MGAT1: variants seen among roughly 807,000 people sequenced by gnomAD.
MGAT1 encodes the protein alpha-1,3-mannosyl-glycoprotein 2-beta-N-acetylglucosaminyltransferase.
Under a neutral mutation model 31.7 loss-of-function variants are expected in MGAT1, and 14 were observed. That is an observed-to-expected ratio of 0.44 (90% confidence interval 0.29 to 0.69). MGAT1 has a LOEUF of 0.69. MGAT1 is among the 30% of genes least tolerant of loss of function. MGAT1 has a pLI of 0.12. For missense variants in MGAT1, 557 were observed against 626.0 expected (o/e 0.89, Z 1.18); for synonymous variants, 338 against 276.0 (o/e 1.22, Z -2.23).
rs368997432 is a variant in MGAT1 at position 180,792,849 on chromosome 5, G to A, written c.123C>T (p.Ser41=). The part of the protein sequence containing the change: ...RPAPGRPPSV[S]ALDGDPASLT... ...GGCTGGCGGGGTCGCCATCGAGAGC[G>A]CTGACTGAGGGTGGCCTGCCAGGTG... Residue 41 remains serine (S), a synonymous_variant, in exon 2 of 2, where the codon AGC becomes AGT. Coordinates refer to ENST00000307826, the MANE Select transcript of MGAT1 (RefSeq NM_002406.4). 1.9e-5 allele frequency: 30 copies of A among 1,569,772 alleles called. No individual in the cohort carries two copies. The highest frequency in any genetic ancestry group is 2.4e-5 in the East Asian group (1 of 42,432).
At chr5:180,812,679 C>A (rs1401825633) in intron 1 of MGAT1, among the ~76,000 whole-genome samples, 1 of 152,088 alleles carries the variant, frequency 6.6e-6, no homozygotes, top group African/African-American at 2.4e-5. Flanking sequence ...TATTTTAGGT[C>A]TTTCCTCCCA....
chr5:180,793,834 A>G (rs1226448838), intron 1 of MGAT1, among the ~76,000 whole-genome samples: 1 of 152,226 alleles, frequency 6.6e-6, no homozygotes, highest in Admixed American at 6.5e-5. Context: ...GAAATGAGAA[A>G]ATATTTAGAA....
rs1209431074 is a variant in MGAT1 at position 180,785,363 on chromosome 5, A to G, written c.*6271T>C. ...AAATACCCGTTTCACATTGCCCACC[A>G]TTTGTGAGTCAGAAATTCAGGCAGC... is the stretch of plus-strand genomic sequence containing the variant. On this transcript the variant is annotated 3_prime_UTR_variant, in exon 2 of 2. Coordinates refer to ENST00000307826, the MANE Select transcript of MGAT1 (RefSeq NM_002406.4). 2 of 152,244 alleles carry G rather than the reference A, an allele frequency of 1.3e-5. No individual in the cohort carries two copies. Among genetic ancestry groups the G allele is most frequent in the Non-Finnish European group, 2.9e-5 (2 of 68,050 alleles). The allele number at this position is 152,244 out of a possible 1,614,324, so 9.4% of individuals were successfully genotyped here. A position where few individuals can be genotyped will look rare whatever the true frequency, so the allele number is the denominator to read the frequency against.
chr5:180,791,569 G>A lies in MGAT1; in HGVS notation c.*65C>T, dbSNP rs936827846. On this transcript the variant is annotated 3_prime_UTR_variant, in exon 2 of 2. Coordinates refer to ENST00000307826, the MANE Select transcript of MGAT1 (RefSeq NM_002406.4). ...AAACACAGGCAGGCCGATGCAGCCTGGGGACTGTGGTCCCACCTCAGCTCA... is the reference window on the plus strand; with the variant it reads ...AAACACAGGCAGGCCGATGCAGCCTAGGGACTGTGGTCCCACCTCAGCTCA... 11 of 1,559,502 alleles carry A rather than the reference G, an allele frequency of 7.1e-6. No individual in the cohort carries two copies. Among genetic ancestry groups the A allele is most frequent in the Admixed American group, 3.8e-5 (2 of 53,174 alleles).
At position 180,793,047 on chromosome 5, in the gene MGAT1, A is replaced by G; in HGVS notation, c.-76T>C. ...GGGCTTGCCCGGCTCCCTTGCCCGC[A>G]GTCCTAGGGATGCCTCCTCTGGACT... is the stretch of plus-strand genomic sequence containing the variant. On this transcript the variant is annotated 5_prime_UTR_variant, in exon 2 of 2. Transcript: ENST00000307826. 6.5e-7 allele frequency: 1 copy of G among 1,546,622 alleles called. No homozygotes were observed. The highest frequency in any genetic ancestry group is 1.8e-5 in the Admixed American group (1 of 54,406).
intron 1 of MGAT1, among the ~76,000 whole-genome samples, chr5:180,801,405 G>A (rs962891807): frequency 6.6e-6 from 1 of 152,188 alleles, no homozygotes; most frequent in Admixed American, 6.5e-5. Context: ...CACAGGTAAT[G>A]GAACTCTAAC....
intron 2 of MGAT1, chr5:180,808,460 T>G (rs1772142162): frequency 6.6e-6 from 1 of 152,270 alleles, no homozygotes; most frequent in African/African-American, 2.4e-5. Flanking sequence ...TACAAGGCAC[T>G]CATCCAGCTT....
At position 180,785,762 on chromosome 5, in the gene MGAT1, T is replaced by C. The variant is rs1266945084; in HGVS notation, c.*5872A>G. On this transcript the variant is annotated 3_prime_UTR_variant, in exon 2 of 2. Transcript: ENST00000307826. ...TCCTGATCCTGAAAGGTTTTGCCCT[T>C]TTCCTAAATAGAAACTCTGAAAAGT... The C allele has an allele frequency of 6.6e-6, 1 of 152,296 alleles. No homozygotes were observed. Among genetic ancestry groups the C allele is most frequent in the African/African-American group, 2.4e-5 (1 of 41,478 alleles). 9.4% of individuals were successfully genotyped at this position (152,296 alleles called of 1,614,324 possible).
chr5:180,805,926 G>GT (rs1771798786), upstream of MGAT1, among the ~76,000 whole-genome samples: 2 of 152,296 alleles, frequency 1.3e-5, no homozygotes, highest in Middle Eastern at 3.4e-3. Flanking sequence ...TCTGTGAAAT[G>GT]TAACTTTTGG....
upstream of MGAT1, chr5:180,815,564 A>ACCCTCTCCT: frequency 6.6e-6 from 1 of 152,210 alleles, no homozygotes; most frequent in African/African-American, 2.4e-5. Context: ...TCTCCCGGTT[A>ACCCTCTCCT]TTTCGTGGCT....
rs955650949 is a variant in MGAT1, at chr5:180,787,572, C to T, written c.*4062G>A. ...TGTGAGGAAGACGTCTGGAAGGATA[C>T]ACCACCCACGCGTAAACACACGTTA... On this transcript the variant is annotated 3_prime_UTR_variant, in exon 2 of 2. Transcript: ENST00000307826. 15 of 152,218 alleles carry T rather than the reference C, an allele frequency of 9.9e-5. No individual in the cohort carries two copies. The highest frequency in any genetic ancestry group is 3.6e-4 in the African/African-American group (15 of 41,452). The allele number at this position is 152,218 out of a possible 1,614,324, so 9.4% of individuals were successfully genotyped here. A position where few individuals can be genotyped will look rare whatever the true frequency, so the allele number is the denominator to read the frequency against.
intron 1 of MGAT1, chr5:180,810,384 C>G (rs1175623288): frequency 6.6e-6 from 1 of 152,526 alleles, no homozygotes; most frequent in African/African-American, 2.4e-5. Flanking sequence ...CAGGTGTGGG[C>G]AGAACCAGGT....
rs1305722535 is a variant in MGAT1 at position 180,792,090 on chromosome 5, C to G, written c.882G>C (p.Arg294=). Residue 294 remains arginine, a synonymous_variant, in exon 2 of 2, where the codon CGG becomes CGC. Coordinates refer to ENST00000307826, the MANE Select transcript of MGAT1 (RefSeq NM_002406.4). ...PKAFWDDWMR[R]PEQRQGRACI... ...AGGCCCGCCCCTGCCGCTGCTCCGG[C>G]CGCCGCATCCAGTCGTCCCAGAAGG... 23 of 1,613,258 alleles carry G rather than the reference C, an allele frequency of 1.4e-5. No individual in the cohort carries two copies. Among genetic ancestry groups the G allele is most frequent in the Non-Finnish European group, 1.9e-5 (22 of 1,179,886 alleles).
chr5:180,802,332 T>C lies in MGAT1; in HGVS notation c.-127+348A>G, dbSNP rs750166917. On this transcript the variant is annotated intron_variant, in intron 1 of 1. Transcript: ENST00000307826. ...TTGGGGAAAGGATGCTGGAGTGAGG[T>C]TAGGGGGGAAAGGCCACTCCCCAAT... 2.4e-4 allele frequency among the ~76,000 whole-genome samples: 36 copies of C among 152,150 alleles called. 1 individual carries two copies. Among genetic ancestry groups the C allele is most frequent in the Middle Eastern group, 6.8e-3 (2 of 294 alleles).
At chr5:180,808,152 T>C (rs1772100773) in intron 2 of MGAT1, among the ~76,000 whole-genome samples, 1 of 152,184 alleles carries the variant, frequency 6.6e-6, no homozygotes, top group African/African-American at 2.4e-5. Flanking sequence ...TTTCCCGAGC[T>C]TTCATGGGCT....
intron 1 of MGAT1, among the ~76,000 whole-genome samples, chr5:180,812,432 T>G (rs1260209867): frequency 6.6e-6 from 1 of 152,236 alleles, no homozygotes; most frequent in Non-Finnish European, 1.5e-5. Flanking sequence ...TTCGTGCTTG[T>G]TATAACAAGT....
chr5:180,806,110 A>C (rs1466051284), upstream of MGAT1, among the ~76,000 whole-genome samples: 1 of 152,094 alleles, frequency 6.6e-6, no homozygotes, highest in East Asian at 1.9e-4. Context: ...ACATGGTGAA[A>C]CCTCATCTCT....
rs1418137016 is a variant in MGAT1 at position 180,786,863 on chromosome 5, G to A, written c.*4771C>T. The A allele has an allele frequency of 1.3e-5, 2 of 152,274 alleles. No homozygotes were observed. Among genetic ancestry groups the A allele is most frequent in the Admixed American group, 6.5e-5 (1 of 15,282 alleles). The allele number at this position is 152,274 out of a possible 1,614,324, so 9.4% of individuals were successfully genotyped here. A position where few individuals can be genotyped will look rare whatever the true frequency, so the allele number is the denominator to read the frequency against. Reference sequence around the variant, plus strand: ...ATCCATTCTGACACACTGTCTTACAGTTCTGGTATAAAGGGTCAGACTTCA... The same window carrying A: ...ATCCATTCTGACACACTGTCTTACAATTCTGGTATAAAGGGTCAGACTTCA... On this transcript the variant is annotated 3_prime_UTR_variant, in exon 2 of 2. Transcript: ENST00000307826.
chr5:180,812,429 T>C (rs766219497), intron 1 of MGAT1, among the ~76,000 whole-genome samples: 5 of 152,242 alleles, frequency 3.3e-5, no homozygotes, highest in Non-Finnish European at 7.3e-5. Context: ...TTTTTCGTGC[T>C]TGTTATAACA....
Sources: gnomAD v4.1 joint callset for allele counts (sites outside exome capture counted in the v4.1 genomes callset) on GRCh38, gnomAD v4.1.1 for gene constraint, MANE v1.5 for transcripts, NCBI Gene and HGNC (gene_info 2026-07-23, HGNC 2026-07-21) for gene names.